CTNNA3: variants seen among roughly 807,000 people sequenced by gnomAD.
CTNNA3 encodes the protein catenin alpha 3.
A neutral mutation model predicts 95.7 loss-of-function variants in CTNNA3; 76 were observed. The ratio of observed to expected loss-of-function variants is 0.79; its 90% CI spans 0.66 to 0.96. CTNNA3 has a LOEUF of 0.96. Ranked by LOEUF, CTNNA3 falls within the 40% of genes least tolerant of loss-of-function variation. The probability of loss-of-function intolerance (pLI) is 0.00; values close to 1 mark genes in which losing one functional copy is unlikely to be tolerated. For missense variants in CTNNA3, 1,191 were observed against 1,089.8 expected (o/e 1.09, Z -1.31); for synonymous variants, 431 against 374.4 (o/e 1.15, Z -1.74).
intron 5 of CTNNA3, among the ~76,000 whole-genome samples, chr10:67,313,228 A>G (rs1240380642): frequency 2.6e-5 from 4 of 152,056 alleles, no homozygotes; most frequent in African/African-American, 9.7e-5. Context: ...CGAGGTCAGG[A>G]GATCAAGACC....
intron 7 of CTNNA3, among the ~76,000 whole-genome samples, chr10:66,913,134 G>C (rs1202030827): frequency 4.0e-5 from 6 of 150,318 alleles, no homozygotes; most frequent in African/African-American, 1.5e-4. Flanking sequence ...AGCTACTCGG[G>C]AGGCTGAGGC....
intron 1 of CTNNA3, among the ~76,000 whole-genome samples, chr10:67,675,874 T>A (rs1311425258): frequency 6.6e-6 from 1 of 152,156 alleles, no homozygotes; most frequent in African/African-American, 2.4e-5. Flanking sequence ...TGCATTAATG[T>A]AATAATTTCA....
At chr10:66,923,356 T>G (rs1163816964) in intron 7 of CTNNA3, among the ~76,000 whole-genome samples, 1 of 152,184 alleles carries the variant, frequency 6.6e-6, no homozygotes, top group Non-Finnish European at 1.5e-5. Context: ...AGCACAAAGT[T>G]AATGGGTCCT....
At chr10:66,446,413 C>T (rs185032036) in intron 11 of CTNNA3, among the ~76,000 whole-genome samples, 2,311 of 152,020 alleles carry the variant, frequency 0.015, 74 homozygotes, top group African/African-American at 0.053. Flanking sequence ...AACATTGATG[C>T]AAAAATCCTC....
chr10:66,873,690 G>C (rs745944773), intron 7 of CTNNA3, among the ~76,000 whole-genome samples: 11 of 152,006 alleles, frequency 7.2e-5, no homozygotes, highest in Non-Finnish European at 1.0e-4. Flanking sequence ...AATGGTGCTG[G>C]GATAACTGGC....
chr10:66,585,627 C>T (rs1843335786), intron 10 of CTNNA3, among the ~76,000 whole-genome samples: 1 of 151,826 alleles, frequency 6.6e-6, no homozygotes, highest in African/African-American at 2.4e-5. Flanking sequence ...TGGTTTTCAA[C>T]TTTATGTTAA....
At chr10:66,312,864 C>A (rs1042844628) in intron 12 of CTNNA3, among the ~76,000 whole-genome samples, 2 of 152,046 alleles carry the variant, frequency 1.3e-5, no homozygotes, top group Admixed American at 1.3e-4. Flanking sequence ...ATTCTTTAAA[C>A]CACCACCAAT....
At chr10:67,448,305 T>C (rs555557134) in intron 5 of CTNNA3, among the ~76,000 whole-genome samples, 8 of 152,330 alleles carry the variant, frequency 5.3e-5, no homozygotes, top group Non-Finnish European at 1.0e-4. Context: ...AATTCATTTA[T>C]AGATTTATGC....
At chr10:66,227,541 A>C (rs1323498547) in intron 13 of CTNNA3, among the ~76,000 whole-genome samples, 1 of 152,120 alleles carries the variant, frequency 6.6e-6, no homozygotes. Flanking sequence ...TGCAATGTAT[A>C]ATCCTTCTGA....
At chr10:67,588,404 C>T (rs933528207) in intron 3 of CTNNA3, among the ~76,000 whole-genome samples, 2 of 151,768 alleles carry the variant, frequency 1.3e-5, no homozygotes, top group African/African-American at 4.8e-5. Context: ...TGGGTGGGGC[C>T]CTTTGGCTTT....
chr10:66,225,736 C>T (rs1599672), intron 13 of CTNNA3, among the ~76,000 whole-genome samples: 32,079 of 151,426 alleles, frequency 0.21, 3,579 homozygotes, highest in South Asian at 0.29. Context: ...TCCTCACCAA[C>T]ATTTCTGATT....
intron 1 of CTNNA3, among the ~76,000 whole-genome samples, chr10:67,647,725 T>C (rs1388722533): frequency 2.6e-5 from 4 of 152,184 alleles, no homozygotes; most frequent in African/African-American, 9.7e-5. Flanking sequence ...TGCCTGGGCT[T>C]AGGTCCTGTA....
chr10:66,401,562 G>A (rs1455396230), intron 11 of CTNNA3, among the ~76,000 whole-genome samples: 23 of 112,960 alleles, frequency 2.0e-4, no homozygotes, highest in Non-Finnish European at 3.1e-4. Flanking sequence ...CACACACACA[G>A]CATAGTAGCT....
At chr10:66,809,737 CTT>C (rs1841800098) in intron 7 of CTNNA3, among the ~76,000 whole-genome samples, 1 of 150,388 alleles carries the variant, frequency 6.6e-6, no homozygotes, top group Admixed American at 6.6e-5. Context: ...GTTAGACGGT[CTT>C]TGGCACATTT....
intron 5 of CTNNA3, among the ~76,000 whole-genome samples, chr10:67,485,883 T>C (rs1052071028): frequency 3.9e-5 from 6 of 152,348 alleles, no homozygotes; most frequent in Admixed American, 2.0e-4. Context: ...ACAGTGATCA[T>C]CTGATAGGAA....
intron 6 of CTNNA3, among the ~76,000 whole-genome samples, chr10:67,208,369 ACT>A (rs1348725371): frequency 1.5e-5 from 2 of 132,640 alleles, no homozygotes; most frequent in Admixed American, 7.6e-5. Flanking sequence ...ACAGAGCAAG[ACT>A]CTGTCTCAAA....
chr10:66,318,276 A>ATATATATATATATG (rs33943741), intron 12 of CTNNA3, among the ~76,000 whole-genome samples: 1 of 136,602 alleles, frequency 7.3e-6, no homozygotes, highest in Non-Finnish European at 1.6e-5. Context: ...ATATATATAT[A>ATATATATATATATG]TGTGTGTGTG....
chr10:67,381,022 G>A (rs891429532), intron 5 of CTNNA3, among the ~76,000 whole-genome samples: 1 of 152,120 alleles, frequency 6.6e-6, no homozygotes, highest in African/African-American at 2.4e-5. Context: ...CAGTCCTGAT[G>A]ACTGTCTCTC....
chr10:66,191,593 T>A (rs1360397465), intron 13 of CTNNA3, among the ~76,000 whole-genome samples: 1 of 147,922 alleles, frequency 6.8e-6, no homozygotes, highest in Non-Finnish European at 1.5e-5. Context: ...CACATTTGTA[T>A]TTCAATGTGA....
Sources: gnomAD v4.1 joint callset for allele counts (sites outside exome capture counted in the v4.1 genomes callset) on GRCh38, gnomAD v4.1.1 for gene constraint, MANE v1.5 for transcripts, NCBI Gene and HGNC (gene_info 2026-07-23, HGNC 2026-07-21) for gene names.